JAZF1: variants seen among roughly 807,000 people sequenced by gnomAD.
JAZF1 encodes juxtaposed with another zinc finger protein 1.
A neutral mutation model predicts 26.4 loss-of-function variants in JAZF1; 8 were observed. That is an observed-to-expected ratio of 0.30 (90% CI 0.18 to 0.55). The LOEUF is 0.55. Among genes scored for constraint, JAZF1 ranks in the 20% least tolerant of loss-of-function variants. The pLI, the probability that JAZF1 is intolerant of heterozygous loss-of-function variation, is 0.94. For missense variants in JAZF1, 199 were observed against 322.0 expected, an observed-to-expected ratio of 0.62 and a Z score of 2.92; for synonymous variants, 126 against 122.3, an observed-to-expected ratio of 1.03 and a Z score of -0.20.
chr7:27,994,018 T>C (rs1284017708), intron 1 of JAZF1, among the ~76,000 whole-genome samples: 1 of 152,164 alleles, frequency 6.6e-6, no homozygotes, highest in Admixed American at 6.5e-5. Context: ...AAAGATTTCT[T>C]TTTTTCTCAA....
intron 2 of JAZF1, among the ~76,000 whole-genome samples, chr7:27,942,494 G>C (rs964354120): frequency 1.3e-5 from 2 of 152,198 alleles, no homozygotes; most frequent in African/African-American, 2.4e-5. Flanking sequence ...CAGTCACCAT[G>C]GGGAGTGCTT....
chr7:27,915,872 A>T (rs1236904238), intron 2 of JAZF1, among the ~76,000 whole-genome samples: 2 of 152,256 alleles, frequency 1.3e-5, no homozygotes, highest in Admixed American at 1.3e-4. Flanking sequence ...TCAAGGTAAC[A>T]GTGAAATACT....
chr7:28,128,192 T>C (rs780167306), intron 1 of JAZF1, among the ~76,000 whole-genome samples: 3 of 152,150 alleles, frequency 2.0e-5, no homozygotes, highest in Non-Finnish European at 4.4e-5. Flanking sequence ...GTCTGGTCCC[T>C]AGAGTAGCAG....
intron 2 of JAZF1, among the ~76,000 whole-genome samples, chr7:27,913,646 G>C (rs1367737196): frequency 6.6e-6 from 1 of 152,176 alleles, no homozygotes; most frequent in African/African-American, 2.4e-5. Context: ...AACATCTCCA[G>C]AAGAAGAAAA....
rs1783049071 is a variant in JAZF1, at chr7:27,847,248, CCA to C, written c.386-6383_386-6382del. ...CAGGTGATCCACCCACCTCAGCATCCCACAGTGCTGGGATTACAGGCATGAAC... is the reference window on the plus strand; with the variant it reads ...CAGGTGATCCACCCACCTCAGCATCCCAGTGCTGGGATTACAGGCATGAAC... On this transcript the variant is annotated intron_variant, in intron 3 of 4. Transcript: ENST00000283928. Among the ~76,000 whole-genome samples the C allele has an allele frequency of 2.0e-5, 3 of 151,908 alleles. No homozygotes were observed. In the South Asian group the frequency reaches 6.2e-4, roughly 32 times the overall value.
intron 1 of JAZF1, among the ~76,000 whole-genome samples, chr7:28,089,590 G>A (rs1298591007): frequency 1.3e-5 from 2 of 152,180 alleles, no homozygotes; most frequent in African/African-American, 4.8e-5. Context: ...ACTTTGGAAG[G>A]TGATTCTGGT....
chr7:27,868,715 A>C (rs1249136575), intron 3 of JAZF1, among the ~76,000 whole-genome samples: 1 of 152,336 alleles, frequency 6.6e-6, no homozygotes, highest in African/African-American at 2.4e-5. Flanking sequence ...CATGGTACCC[A>C]AGTCAAACTG....
At chr7:28,075,715 C>T (rs1250207111) in intron 1 of JAZF1, among the ~76,000 whole-genome samples, 1 of 152,040 alleles carries the variant, frequency 6.6e-6, no homozygotes, top group Non-Finnish European at 1.5e-5. Flanking sequence ...CTTAAGCACT[C>T]CCCATATTAA....
chr7:27,834,890 G>C (rs1782775645), intron 4 of JAZF1, among the ~76,000 whole-genome samples: 1 of 152,206 alleles, frequency 6.6e-6, no homozygotes. Context: ...GTGTGAGAGA[G>C]ACAGAAAGAG....
At chr7:27,973,862 G>C (rs894733886) in intron 2 of JAZF1, among the ~76,000 whole-genome samples, 2 of 152,176 alleles carry the variant, frequency 1.3e-5, no homozygotes, top group African/African-American at 4.8e-5. Context: ...TCAGTGGAGA[G>C]AATGGAGGCA....
intron 2 of JAZF1, among the ~76,000 whole-genome samples, chr7:27,986,707 C>A (rs1371926404): frequency 1.3e-5 from 2 of 149,152 alleles, no homozygotes; most frequent in Non-Finnish European, 3.0e-5. Flanking sequence ...TGATGCCGAG[C>A]TGAGGCTGGA....
intron 2 of JAZF1, among the ~76,000 whole-genome samples, chr7:27,944,833 G>A (rs1270043434): frequency 6.6e-6 from 1 of 151,944 alleles, no homozygotes; most frequent in African/African-American, 2.4e-5. Flanking sequence ...TTTCTATTTT[G>A]GAGACTCACT....
intron 1 of JAZF1, chr7:28,020,749 G>A: frequency 2.1e-6 from 1 of 468,450 alleles, no homozygotes; most frequent in Non-Finnish European, 4.4e-6. Flanking sequence ...AGTGGCTGAA[G>A]CCTCTGCAGC....
intron 1 of JAZF1, among the ~76,000 whole-genome samples, chr7:28,017,992 C>G (rs1291757953): frequency 6.6e-6 from 1 of 152,178 alleles, no homozygotes; most frequent in Non-Finnish European, 1.5e-5. Context: ...TCAGTCTGGT[C>G]TCGAACTGAT....
chr7:28,118,996 T>C (rs955329581), intron 1 of JAZF1, among the ~76,000 whole-genome samples: 2 of 152,184 alleles, frequency 1.3e-5, no homozygotes, highest in African/African-American at 4.8e-5. Flanking sequence ...GAGAATCCCT[T>C]GGAATGAAAG....
rs188042453 is a variant in JAZF1, at chr7:27,976,753, T to G, written c.188+15156A>C. 2.6e-5 allele frequency among the ~76,000 whole-genome samples: 4 copies of G among 152,174 alleles called. No homozygotes were observed. The East Asian group carries it at 5.8e-4, about 22-fold the overall frequency. On this transcript the variant is annotated intron_variant, in intron 2 of 4. Coordinates refer to ENST00000283928, the MANE Select transcript of JAZF1 (RefSeq NM_175061.4). ...TAAAAAACATCAAATGCTTCAGGCT[T>G]GTTTGTATTAAAAAAATAGAAGGCC...
At chr7:28,150,460 A>G (rs1783094682) in intron 1 of JAZF1, among the ~76,000 whole-genome samples, 1 of 152,268 alleles carries the variant, frequency 6.6e-6, no homozygotes, top group African/African-American at 2.4e-5. Context: ...TAGTGCACAC[A>G]TTCATCAAAA....
chr7:28,085,796 C>A (rs1274972285), intron 1 of JAZF1, among the ~76,000 whole-genome samples: 1 of 152,128 alleles, frequency 6.6e-6, no homozygotes, highest in East Asian at 1.9e-4. Flanking sequence ...TCATTGATAC[C>A]AAGAAGAAAA....
intron 2 of JAZF1, among the ~76,000 whole-genome samples, chr7:27,946,312 C>T (rs996257672): frequency 6.6e-6 from 1 of 152,160 alleles, no homozygotes; most frequent in Non-Finnish European, 1.5e-5. Context: ...CTGGTTACCA[C>T]ACACACCAAA....
Sources: allele counts gnomAD v4.1 joint callset (sites outside exome capture counted in the v4.1 genomes callset), GRCh38; gene constraint gnomAD v4.1.1; transcripts MANE v1.5; gene names NCBI Gene and HGNC (gene_info 2026-07-23, HGNC 2026-07-21).